NALF1: variants seen among roughly 807,000 people sequenced by gnomAD.
NALF1 encodes family with sequence similarity 155 member A.
A neutral mutation model predicts 48.4 loss-of-function variants in NALF1; 3 were observed. The ratio of observed to expected loss-of-function variants is 0.06; its 90% CI spans 0.03 to 0.16. The LOEUF (loss-of-function observed/expected upper bound fraction) is 0.16. Among genes scored for constraint, NALF1 ranks in the 10% least tolerant of loss-of-function variants. The pLI, the probability that NALF1 is intolerant of heterozygous loss-of-function variation, is 1.00. For missense variants in NALF1, 526 were observed against 571.5 expected (o/e 0.92, Z 0.81); for synonymous variants, 262 against 245.7 (o/e 1.07, Z -0.62).
chr13:107,570,572 A>ATTTAT (rs10672418), intron 1 of NALF1, among the ~76,000 whole-genome samples: 101,362 of 146,456 alleles, frequency 0.69, 35,565 homozygotes, highest in East Asian at 0.79. Flanking sequence ...TTATTTATTT[A>ATTTAT]TTTATTTTAT....
rs377584632 is a variant in NALF1 at position 107,684,888 on chromosome 13, A to G, written c.915+180794T>C. The stretch of plus-strand genomic sequence containing the variant: ...CCTGAATGTTCCTTAACACCCAGAA[A>G]TGCCTTTGCCACCTAGTTACACCCT... On this transcript the variant is annotated intron_variant, in intron 1 of 2. Transcript: ENST00000375915. Among the ~76,000 whole-genome samples, 3 of 152,196 alleles carry G rather than the reference A, an allele frequency of 2.0e-5. No individual in the cohort carries two copies. The East Asian group carries it at 5.8e-4, about 29-fold the overall frequency.
At chr13:107,379,030 C>T (rs1022434850) in intron 1 of NALF1, among the ~76,000 whole-genome samples, 2 of 152,096 alleles carry the variant, frequency 1.3e-5, no homozygotes, top group African/African-American at 2.4e-5. Context: ...TGATCACCAC[C>T]GTGGCTTGAT....
intron 1 of NALF1, among the ~76,000 whole-genome samples, chr13:107,571,847 C>T (rs1036556658): frequency 2.6e-5 from 4 of 152,142 alleles, no homozygotes; most frequent in African/African-American, 9.7e-5. Flanking sequence ...ATAACTTACA[C>T]ATTTGGTTTC....
At chr13:107,718,362 G>C (rs989863695) in intron 1 of NALF1, among the ~76,000 whole-genome samples, 3 of 152,102 alleles carry the variant, frequency 2.0e-5, no homozygotes, top group Admixed American at 6.6e-5. Context: ...CACCAAACCA[G>C]TTCCCACAGA....
intron 1 of NALF1, among the ~76,000 whole-genome samples, chr13:107,440,233 T>A (rs1426828515): frequency 6.6e-6 from 1 of 151,988 alleles, no homozygotes; most frequent in African/African-American, 2.4e-5. Flanking sequence ...TCGACAAGAG[T>A]GGAGTACTGT....
chr13:107,364,395 A>G (rs933784809), intron 1 of NALF1, among the ~76,000 whole-genome samples: 1 of 152,256 alleles, frequency 6.6e-6, no homozygotes, highest in Non-Finnish European at 1.5e-5. Flanking sequence ...ATCCAGGCTA[A>G]GCCTGTCCAC....
At chr13:107,482,016 G>T (rs563522262) in intron 1 of NALF1, among the ~76,000 whole-genome samples, 1 of 152,130 alleles carries the variant, frequency 6.6e-6, no homozygotes, top group East Asian at 1.9e-4. Flanking sequence ...CTAAGCCATG[G>T]TACCCAGAGA....
intron 1 of NALF1, among the ~76,000 whole-genome samples, chr13:107,536,507 T>C (rs952260119): frequency 9.2e-5 from 14 of 152,032 alleles, no homozygotes; most frequent in Non-Finnish European, 1.9e-4. Flanking sequence ...ATCAGAGAAA[T>C]GCAAATCAAA....
At chr13:107,759,047 G>A (rs933480396) in intron 1 of NALF1, among the ~76,000 whole-genome samples, 1 of 152,098 alleles carries the variant, frequency 6.6e-6, no homozygotes, top group African/African-American at 2.4e-5. Context: ...TGTATAAGGT[G>A]CTTGTAGATT....
At chr13:107,482,704 T>G (rs1885272184) in intron 1 of NALF1, among the ~76,000 whole-genome samples, 1 of 152,122 alleles carries the variant, frequency 6.6e-6, no homozygotes, top group African/African-American at 2.4e-5. Context: ...AGAAATATAT[T>G]TTGGCCTGGC....
chr13:107,612,917 G>C (rs1879274239), intron 1 of NALF1, among the ~76,000 whole-genome samples: 1 of 151,606 alleles, frequency 6.6e-6, no homozygotes, highest in Non-Finnish European at 1.5e-5. Flanking sequence ...TCTATTCACA[G>C]CCTATTGGCT....
At chr13:107,800,381 T>A (rs576128709) in intron 1 of NALF1, among the ~76,000 whole-genome samples, 2 of 151,972 alleles carry the variant, frequency 1.3e-5, no homozygotes, top group African/African-American at 4.8e-5. Context: ...AGGAGTTCTG[T>A]CATGATTTAC....
intron 1 of NALF1, among the ~76,000 whole-genome samples, chr13:107,281,601 T>C (rs944562959): frequency 6.6e-6 from 1 of 152,160 alleles, no homozygotes; most frequent in Non-Finnish European, 1.5e-5. Context: ...CAGGCCTAAG[T>C]ATATGAAGGC....
intron 1 of NALF1, among the ~76,000 whole-genome samples, chr13:107,771,397 C>G (rs1171048547): frequency 6.6e-6 from 1 of 151,602 alleles, no homozygotes; most frequent in Non-Finnish European, 1.5e-5. Context: ...GATTGCATGT[C>G]ATTTTATGCA....
chr13:107,780,442 G>A (rs536500484), intron 1 of NALF1, among the ~76,000 whole-genome samples: 80 of 151,820 alleles, frequency 5.3e-4, no homozygotes, highest in Non-Finnish European at 9.9e-4. Context: ...TTAAAATTAT[G>A]GTTATTTCTC....
chr13:107,223,478 T>C (rs1386400604), intron 1 of NALF1, among the ~76,000 whole-genome samples: 1 of 152,220 alleles, frequency 6.6e-6, no homozygotes, highest in Non-Finnish European at 1.5e-5. Context: ...TATTTTGACA[T>C]TTTAGATCAT....
intron 1 of NALF1, among the ~76,000 whole-genome samples, chr13:107,725,789 G>A (rs1324394909): frequency 1.3e-5 from 2 of 152,176 alleles, no homozygotes; most frequent in Admixed American, 1.3e-4. Context: ...ATAAAGCAGT[G>A]GATACATTTT....
At chr13:107,541,208 C>A (rs575091154) in intron 1 of NALF1, among the ~76,000 whole-genome samples, 60 of 152,160 alleles carry the variant, frequency 3.9e-4, no homozygotes, top group Non-Finnish European at 7.4e-4. Context: ...TGTTTGAAAA[C>A]ACATTTTTGT....
At chr13:107,332,250 T>G (rs1161653669) in intron 1 of NALF1, among the ~76,000 whole-genome samples, 1 of 152,082 alleles carries the variant, frequency 6.6e-6, no homozygotes, top group Non-Finnish European at 1.5e-5. Context: ...CCCACTCAAA[T>G]CACCCAGCTT....
Sources: gnomAD v4.1 joint callset for allele counts (sites outside exome capture counted in the v4.1 genomes callset) on GRCh38, gnomAD v4.1.1 for gene constraint, MANE v1.5 for transcripts, NCBI Gene and HGNC (gene_info 2026-07-23, HGNC 2026-07-21) for gene names.